GSE1: variants seen among roughly 807,000 people sequenced by gnomAD.
GSE1 encodes genetic suppressor element 1.
GSE1 carries 32 observed loss-of-function variants against 112.6 expected under a neutral mutation model. The observed-to-expected ratio is 0.28, with a 90% confidence interval of 0.21 to 0.38. The LOEUF is 0.38. GSE1 is among the 10% of genes least tolerant of loss of function. The pLI is 1.00. For synonymous variants in GSE1, 1,115 were observed against 735.6 expected (o/e 1.52, Z -8.35); for missense variants, 2,348 against 1,699.2 (o/e 1.38, Z -6.71).
intron 1 of GSE1, among the ~76,000 whole-genome samples, chr16:85,259,882 A>T (rs893205834): frequency 6.6e-6 from 1 of 152,142 alleles, no homozygotes; most frequent in Non-Finnish European, 1.5e-5. Context: ...GGGGCTGAGG[A>T]CATCTGTTGA....
chr16:85,617,037 G>A (rs952541683), intron 1 of GSE1, among the ~76,000 whole-genome samples: 2 of 152,124 alleles, frequency 1.3e-5, no homozygotes, highest in Non-Finnish European at 2.9e-5. Flanking sequence ...CCAGCCAGAC[G>A]AAACCACACG....
intron 1 of GSE1, among the ~76,000 whole-genome samples, chr16:85,185,803 C>CT (rs1188543190): frequency 9.9e-5 from 15 of 152,256 alleles, no homozygotes; most frequent in Admixed American, 9.8e-4. Context: ...AGAAGGCCTC[C>CT]TGCCCATGGT....
At chr16:85,415,431 G>A (rs1313398227) in intron 2 of GSE1, among the ~76,000 whole-genome samples, 1 of 152,186 alleles carries the variant, frequency 6.6e-6, no homozygotes, top group Admixed American at 6.5e-5. Flanking sequence ...AGGTGCTGAG[G>A]GCGTCCTGGG....
intron 1 of GSE1, among the ~76,000 whole-genome samples, chr16:85,349,868 C>G (rs922036501): frequency 1.3e-5 from 2 of 152,218 alleles, no homozygotes; most frequent in African/African-American, 4.8e-5. Flanking sequence ...CCTACTTGCC[C>G]CAGAGTGCGG....
chr16:85,515,636 T>G (rs2051906013), intron 2 of GSE1, among the ~76,000 whole-genome samples: 1 of 116,878 alleles, frequency 8.6e-6, no homozygotes, highest in Non-Finnish European at 1.8e-5. Context: ...CCTGAACAGG[T>G]CGGGGGGCGT....
chr16:85,438,136 T>A (rs1191079749), intron 2 of GSE1, among the ~76,000 whole-genome samples: 1 of 152,192 alleles, frequency 6.6e-6, no homozygotes, highest in Non-Finnish European at 1.5e-5. Context: ...ATACTGTGTT[T>A]TCGTCTCTGC....
chr16:85,295,090 C>G (rs1036489286), intron 1 of GSE1, among the ~76,000 whole-genome samples: 2 of 151,976 alleles, frequency 1.3e-5, no homozygotes, highest in African/African-American at 2.4e-5. Context: ...ACCATCACCT[C>G]GAGGGTTCGG....
Position 85,665,966 on chromosome 16 carries a change from T to A in GSE1, c.2759-10T>A. 6.2e-7 allele frequency: 1 copy of A among 1,612,598 alleles called. No homozygotes were observed. ...TTTCTTAATATTTTCCTTCACTTTG[T>A]CTCTAAAAGAACCAGCCACGCAGCA... On this transcript the variant is annotated splice_polypyrimidine_tract_variant and intron_variant, in intron 12 of 15. Coordinates refer to ENST00000253458, the MANE Select transcript of GSE1 (RefSeq NM_014615.5).
chr16:85,231,934 T>C (rs1904290433), intron 1 of GSE1, among the ~76,000 whole-genome samples: 1 of 152,184 alleles, frequency 6.6e-6, no homozygotes, highest in Admixed American at 6.5e-5. Context: ...ATCTGGTGGG[T>C]GTCTCTCTGG....
At chr16:85,617,945 C>A (rs561708353) in intron 1 of GSE1, among the ~76,000 whole-genome samples, 1 of 152,296 alleles carries the variant, frequency 6.6e-6, no homozygotes, top group South Asian at 2.1e-4. Context: ...CACCTGTCAC[C>A]TGGCTGCTCT....
At position 85,671,013 on chromosome 16, in the gene GSE1, A is replaced by T. The variant is rs543804993; in HGVS notation, c.3434A>T (p.Gln1145Leu). The change falls in exon 15 of 16, where the codon CAG (glutamine) becomes CTG (leucine). Residue 1145 changes from glutamine (Q) to leucine (L), a missense_variant. Coordinates refer to ENST00000253458, the MANE Select transcript of GSE1 (RefSeq NM_014615.5). ...EHIEEQNLER[Q>L]VLQTQCRRLE... ...TTTTCAGAGCAAAATCTGGAGCGGC[A>T]GGTGTTACAGACACAATGTAGACGA... 37 of 1,609,258 alleles carry T rather than the reference A, an allele frequency of 2.3e-5. No homozygotes were observed. In the South Asian group the frequency reaches 4.1e-4, roughly 18 times the overall value.
chr16:85,338,623 G>A (rs570898576), intron 1 of GSE1, among the ~76,000 whole-genome samples: 1 of 152,334 alleles, frequency 6.6e-6, no homozygotes, highest in East Asian at 1.9e-4. Flanking sequence ...ACCATCAGGG[G>A]AAATAAAATC....
In GSE1 at chr16:85,544,440, CAGAAAG is replaced by C. The variant is rs2044627946; in HGVS notation, c.2465-89471_2465-89466del. On this transcript the variant is annotated intron_variant, in intron 2 of 2. Transcript: ENST00000637419. ...GACAGCTCAGGCCACGGGGACAGTC[CAGAAAG>C]AGCAGGCGAGGAAGAGCAATAGGAA... is the stretch of plus-strand genomic sequence containing the variant. Among the ~76,000 whole-genome samples the C allele has an allele frequency of 2.0e-5, 3 of 152,134 alleles. No homozygotes were observed. The South Asian group carries it at 6.2e-4, about 31-fold the overall frequency.
At chr16:85,502,838 G>A (rs774564200) in intron 2 of GSE1, among the ~76,000 whole-genome samples, 1 of 152,250 alleles carries the variant, frequency 6.6e-6, no homozygotes, top group Non-Finnish European at 1.5e-5. Flanking sequence ...CTGGAGAGCA[G>A]CAGTGGCCCT....
rs562951648 is a variant in GSE1, at chr16:85,500,861, T to C, written c.2465-133053T>C. ...CCAAGGGAGGATCCTTCTTCGCCCCTTCCAGCTTCCTCACAGTCTCTGCCT... is the reference window on the plus strand; with the variant it reads ...CCAAGGGAGGATCCTTCTTCGCCCCCTCCAGCTTCCTCACAGTCTCTGCCT... On this transcript the variant is annotated intron_variant, in intron 2 of 2. Coordinates refer to the GSE1 transcript ENST00000637419. Among the ~76,000 whole-genome samples the C allele has an allele frequency of 1.9e-4, 29 of 152,306 alleles. No individual in the cohort carries two copies. The South Asian group carries it at 3.9e-3, about 21-fold the overall frequency.
chr16:85,179,342 C>G (rs183367580), intron 1 of GSE1, among the ~76,000 whole-genome samples: 1 of 152,130 alleles, frequency 6.6e-6, no homozygotes, highest in Non-Finnish European at 1.5e-5. Flanking sequence ...GAGCTTCATC[C>G]CGTTTTGTGG....
intron 1 of GSE1, among the ~76,000 whole-genome samples, chr16:85,268,334 GGT>G (rs985406551): frequency 1.6e-4 from 24 of 152,096 alleles, no homozygotes; most frequent in African/African-American, 5.3e-4. Context: ...TAATGATAAT[GGT>G]CACAGTACAA....
chr16:85,259,281 CTGG>C (rs1436806711), intron 1 of GSE1, among the ~76,000 whole-genome samples: 2 of 75,500 alleles, frequency 2.6e-5, no homozygotes, highest in Non-Finnish European at 5.7e-5. Flanking sequence ...GTGCTCCACC[CTGG>C]CCCACCCTGT....
rs113090605 is a variant in GSE1, at chr16:85,266,329, T to C, written c.2284-91134T>C. 9.1e-3 allele frequency among the ~76,000 whole-genome samples: 1,382 copies of C among 151,502 alleles called. 22 individuals carry two copies. The highest frequency in any genetic ancestry group is 0.032 in the African/African-American group (1,306 of 41,206). ...GTTAGAGAAACTGAGGCCCGAGGAG[T>C]GAATTCCCTCCCTGCTTCTGTTGAG... On this transcript the variant is annotated intron_variant, in intron 1 of 2. Transcript: ENST00000637419.
Sources: gnomAD v4.1 joint callset for allele counts (sites outside exome capture counted in the v4.1 genomes callset) on GRCh38, gnomAD v4.1.1 for gene constraint, MANE v1.5 for transcripts, NCBI Gene and HGNC (gene_info 2026-07-23, HGNC 2026-07-21) for gene names.